IGSF21: variants seen among roughly 807,000 people sequenced by gnomAD.
IGSF21 encodes immunoglobin superfamily member 21.
A neutral mutation model predicts 46.8 loss-of-function variants in IGSF21; 28 were observed. That is an observed-to-expected ratio of 0.60 (90% CI 0.44 to 0.82). The LOEUF is 0.82. Ranked by LOEUF, IGSF21 falls within the 40% of genes least tolerant of loss-of-function variation. The probability of loss-of-function intolerance (pLI) is 0.00; values close to 1 mark genes in which losing one functional copy is unlikely to be tolerated. For synonymous variants in IGSF21, 284 were observed against 273.6 expected (o/e 1.04, Z -0.38); for missense variants, 624 against 665.5 (o/e 0.94, Z 0.69).
chr1:18,320,328 G>A (rs141916532), intron 3 of IGSF21, among the ~76,000 whole-genome samples: 9 of 134,536 alleles, frequency 6.7e-5, no homozygotes, highest in Admixed American at 4.6e-4. Flanking sequence ...TCAGCACCAC[G>A]TAGCGCAGGA....
chr1:18,330,000 C>T (rs1294755557), intron 3 of IGSF21, among the ~76,000 whole-genome samples: 1 of 152,330 alleles, frequency 6.6e-6, no homozygotes, highest in South Asian at 2.1e-4. Context: ...CGCTAAACTG[C>T]ATTACACTGA....
intron 3 of IGSF21, among the ~76,000 whole-genome samples, chr1:18,312,393 C>G (rs774927470): frequency 6.6e-6 from 1 of 152,184 alleles, no homozygotes; most frequent in Non-Finnish European, 1.5e-5. Context: ...TTTATTGCTT[C>G]TGTAGCAAAT....
At chr1:18,375,024 C>T (rs368667200) in intron 6 of IGSF21, among the ~76,000 whole-genome samples, 9 of 152,170 alleles carry the variant, frequency 5.9e-5, no homozygotes, top group African/African-American at 1.7e-4. Flanking sequence ...CTGGAATATG[C>T]CTCGTGAGCT....
At position 18,259,888 on chromosome 1, in the gene IGSF21, G is replaced by A. The variant is rs114013532; in HGVS notation, c.183+31878G>A. On this transcript the variant is annotated intron_variant, in intron 2 of 9. Coordinates refer to ENST00000251296, the MANE Select transcript of IGSF21 (RefSeq NM_032880.5). ...AAGCATGAGTTCTTGGGCAGTAGGG[G>A]CACAACGGTGTTCTGGAGTTGTGTG... 9.2e-3 allele frequency among the ~76,000 whole-genome samples: 1,401 copies of A among 152,282 alleles called. 18 individuals carry two copies. Among genetic ancestry groups the A allele is most frequent in the African/African-American group, 0.031 (1,291 of 41,558 alleles).
At chr1:18,159,870 A>G (rs1312636875) in intron 1 of IGSF21, among the ~76,000 whole-genome samples, 1 of 152,042 alleles carries the variant, frequency 6.6e-6, no homozygotes, top group Non-Finnish European at 1.5e-5. Flanking sequence ...TTTGGTAGAG[A>G]TTGGATTTCA....
intron 3 of IGSF21, among the ~76,000 whole-genome samples, chr1:18,319,976 C>A (rs1261642495): frequency 3.9e-5 from 6 of 152,222 alleles, no homozygotes; most frequent in Admixed American, 3.9e-4. Flanking sequence ...GTATCCCTAG[C>A]ACCTAGGATA....
intron 1 of IGSF21, among the ~76,000 whole-genome samples, chr1:18,208,341 T>G (rs993096656): frequency 9.2e-5 from 13 of 141,298 alleles, no homozygotes; most frequent in African/African-American, 3.4e-4. Flanking sequence ...TCCAAAGGTT[T>G]CGGGTTTTGG....
chr1:18,191,500 A>G lies in IGSF21; in HGVS notation c.71-36398A>G, dbSNP rs74058324. Reference sequence around the variant, plus strand: ...AGGCTTTGCTGAAGACTCTGGGGGAAGGAGGGGTTGAAATAGAGAGGGCAT... The same window carrying G: ...AGGCTTTGCTGAAGACTCTGGGGGAGGGAGGGGTTGAAATAGAGAGGGCAT... On this transcript the variant is annotated intron_variant, in intron 1 of 9. Coordinates refer to ENST00000251296, the MANE Select transcript of IGSF21 (RefSeq NM_032880.5). 6.9e-3 allele frequency among the ~76,000 whole-genome samples: 1,056 copies of G among 152,118 alleles called. 14 individuals carry two copies. The highest frequency in any genetic ancestry group is 0.024 in the African/African-American group (998 of 41,526).
intron 3 of IGSF21, among the ~76,000 whole-genome samples, chr1:18,331,265 C>A (rs755372738): frequency 3.9e-5 from 6 of 152,078 alleles, no homozygotes; most frequent in Non-Finnish European, 7.4e-5. Context: ...CCCCCTCCCA[C>A]CTTTTCCCCC....
intron 2 of IGSF21, among the ~76,000 whole-genome samples, chr1:18,232,529 C>G (rs559902572): frequency 1.3e-5 from 2 of 152,234 alleles, no homozygotes; most frequent in South Asian, 4.1e-4. Flanking sequence ...ATTCTATTTT[C>G]CAGATGAAGA....
intron 7 of IGSF21, 25 bp downstream of exon 7, chr1:18,376,420 G>A (rs2086281067): frequency 1.3e-6 from 2 of 1,569,040 alleles, no homozygotes; most frequent in African/African-American, 2.7e-5. Flanking sequence ...GAGCATCTGG[G>A]AGGGTGGTGG....
chr1:18,316,251 C>T (rs2085542171), intron 3 of IGSF21, among the ~76,000 whole-genome samples: 1 of 152,206 alleles, frequency 6.6e-6, no homozygotes, highest in Admixed American at 6.5e-5. Flanking sequence ...GAGCTGTCAT[C>T]CTGTCCCCTC....
chr1:18,246,148 T>TG (rs1032058150), intron 2 of IGSF21, among the ~76,000 whole-genome samples: 4 of 152,272 alleles, frequency 2.6e-5, no homozygotes, highest in East Asian at 1.9e-4. Context: ...ATCCCAGCTC[T>TG]GGGGGGTGTG....
intron 2 of IGSF21, among the ~76,000 whole-genome samples, chr1:18,242,057 C>A (rs373964633): frequency 6.6e-6 from 1 of 151,790 alleles, no homozygotes; most frequent in African/African-American, 2.4e-5. Flanking sequence ...CTGTCCTCAT[C>A]ATCACCCTGC....
intron 5 of IGSF21, among the ~76,000 whole-genome samples, chr1:18,363,566 T>TG (rs1207353841): frequency 6.7e-6 from 1 of 149,862 alleles, no homozygotes; most frequent in Non-Finnish European, 1.5e-5. Flanking sequence ...GGTGAGGCAG[T>TG]GGGCAGGGGA....
intron 3 of IGSF21, among the ~76,000 whole-genome samples, chr1:18,311,710 C>T (rs1435126634): frequency 6.6e-6 from 1 of 152,118 alleles, no homozygotes; most frequent in East Asian, 1.9e-4. Context: ...TGGCAGAAGG[C>T]TAAAGGCACA....
chr1:18,373,392 C>A (rs1213417037), intron 6 of IGSF21, among the ~76,000 whole-genome samples: 1 of 152,134 alleles, frequency 6.6e-6, no homozygotes, highest in East Asian at 1.9e-4. Context: ...TCTGGAGCTG[C>A]TAATGGGCCA....
chr1:18,150,416 G>T lies in IGSF21; in HGVS notation c.70+42218G>T, dbSNP rs2086511899. 2.7e-5 allele frequency among the ~76,000 whole-genome samples: 4 copies of T among 150,010 alleles called. No individual in the cohort carries two copies. The South Asian group carries it at 8.5e-4, about 32-fold the overall frequency. ...GATGGTGCTTGGCATGGCGGGGGGG[G>T]TCTCAGGATACTTAAGGTAGTTTAT... is the stretch of plus-strand genomic sequence containing the variant. On this transcript the variant is annotated intron_variant, in intron 1 of 9. Coordinates refer to ENST00000251296, the MANE Select transcript of IGSF21 (RefSeq NM_032880.5).
chr1:18,129,043 G>A (rs1341845837), intron 1 of IGSF21, among the ~76,000 whole-genome samples: 1 of 152,170 alleles, frequency 6.6e-6, no homozygotes, highest in Non-Finnish European at 1.5e-5. Flanking sequence ...GTGGGGAGAT[G>A]GATAGAGATT....
Sources: gnomAD v4.1 joint callset for allele counts (sites outside exome capture counted in the v4.1 genomes callset) on GRCh38, gnomAD v4.1.1 for gene constraint, MANE v1.5 for transcripts, NCBI Gene and HGNC (gene_info 2026-07-23, HGNC 2026-07-21) for gene names.